C8orf76: variants seen among roughly 807,000 people sequenced by gnomAD.
C8orf76 encodes the protein uncharacterized protein C8orf76.
A neutral mutation model predicts 38.1 loss-of-function variants in C8orf76; 46 were observed. The observed-to-expected ratio is 1.21, with a 90% confidence interval of 0.95 to 1.54. The LOEUF is 1.54. Among genes scored for constraint, C8orf76 ranks in the 40% most tolerant of loss-of-function variants. C8orf76 has a pLI of 0.00. For missense variants in C8orf76, 461 were observed against 441.6 expected, an observed-to-expected ratio of 1.04 and a Z score of -0.39; for synonymous variants, 166 against 167.5, an observed-to-expected ratio of 0.99 and a Z score of 0.07.
intron 5 of C8orf76, among the ~76,000 whole-genome samples, chr8:123,221,735 C>T (rs566600078): frequency 5.3e-5 from 8 of 151,986 alleles, no homozygotes; most frequent in Non-Finnish European, 1.2e-4. Flanking sequence ...CCACTGTGCC[C>T]GGCCAAAAAA....
intron 4 of C8orf76, among the ~76,000 whole-genome samples, chr8:123,229,646 C>A (rs1051108496): frequency 6.6e-6 from 1 of 152,204 alleles, no homozygotes; most frequent in African/African-American, 2.4e-5. Context: ...ACATGTCTGG[C>A]ACACGGTTGT....
chr8:123,222,872 A>G (rs561249214), intron 5 of C8orf76, among the ~76,000 whole-genome samples: 1 of 152,346 alleles, frequency 6.6e-6, no homozygotes, highest in Admixed American at 6.5e-5. Context: ...GGTAGAAAAA[A>G]CAATGCTTTC....
Position 123,231,341 on chromosome 8 carries a change from T to C in C8orf76, c.774A>G (p.Ile258Met), listed in dbSNP as rs751709027. 5.0e-6 allele frequency: 8 copies of C among 1,613,624 alleles called. No individual in the cohort carries two copies. In the East Asian group the frequency reaches 1.8e-4, roughly 36 times the overall value. The change falls in exon 4 of 6, where the codon ATA becomes ATG. Residue 258 changes from isoleucine to methionine, a missense_variant. Coordinates refer to ENST00000276704, the MANE Select transcript of C8orf76 (RefSeq NM_032847.3). ...CMAEKRETVL[I>M]ETQLKACASF... Reference sequence around the variant, plus strand: ...AGGCACATGCTTTCAGCTGAGTCTCTATCAACACTGTTTCTCTCTTTTCTG... The same window carrying C: ...AGGCACATGCTTTCAGCTGAGTCTCCATCAACACTGTTTCTCTCTTTTCTG...
At chr8:123,221,526 C>T (rs1244563766) in intron 5 of C8orf76, among the ~76,000 whole-genome samples, 2 of 152,126 alleles carry the variant, frequency 1.3e-5, no homozygotes, top group Middle Eastern at 6.3e-3. Context: ...ACCTCTGTCT[C>T]CTGGGTTCAA....
chr8:123,224,301 G>A (rs1824966281), intron 5 of C8orf76, among the ~76,000 whole-genome samples: 1 of 152,108 alleles, frequency 6.6e-6, no homozygotes, highest in South Asian at 2.1e-4. Context: ...GTTATTACAA[G>A]TCAACTAAAA....
intron 5 of C8orf76, 167 bp downstream of exon 5, chr8:123,226,333 G>C: frequency 6.8e-7 from 1 of 1,461,746 alleles, no homozygotes; most frequent in Non-Finnish European, 8.9e-7. Flanking sequence ...GGGGAATGCC[G>C]ATCAAGAGGC....
chr8:123,221,170 T>G (rs1198999202), intron 5 of C8orf76, among the ~76,000 whole-genome samples: 1 of 152,208 alleles, frequency 6.6e-6, no homozygotes, highest in East Asian at 1.9e-4. Context: ...TCTTCAAAGA[T>G]TACATATTGT....
At chr8:123,235,318 C>G (rs1292433251) in intron 3 of C8orf76, among the ~76,000 whole-genome samples, 1 of 152,000 alleles carries the variant, frequency 6.6e-6, no homozygotes, top group Non-Finnish European at 1.5e-5. Flanking sequence ...TGATGGCCAC[C>G]CCGGGACTTG....
intron 5 of C8orf76, among the ~76,000 whole-genome samples, chr8:123,221,177 T>C (rs1402058638): frequency 6.6e-6 from 1 of 152,138 alleles, no homozygotes; most frequent in African/African-American, 2.4e-5. Flanking sequence ...AGATTACATA[T>C]TGTTTGAGGA....
At position 123,237,820 on chromosome 8, in the gene C8orf76, G is replaced by A. The variant is rs754518679; in HGVS notation, c.335C>T (p.Ala112Val). 1.6e-5 allele frequency: 25 copies of A among 1,612,654 alleles called. No homozygotes were observed. Among genetic ancestry groups the A allele is most frequent in the South Asian group, 3.3e-5 (3 of 90,800 alleles). The change falls in exon 3 of 6, where the codon GCG becomes GTG. Residue 112 changes from alanine (A) to valine (V), a missense_variant. By Grantham distance (64) the Ala-to-Val change is moderately conservative (BLOSUM62 0). Transcript: ENST00000276704. ...CACCAAGTTTGCAGCAATCTCCAGC[G>A]CCTCCATATGCCTACCCAGGTGAGC... is the stretch of plus-strand genomic sequence containing the variant. ...CLAHLGRHMEALEIAANLENK... is the reference protein window; with the variant it reads ...CLAHLGRHMEVLEIAANLENK...
chr8:123,237,370 C>T (rs1754799107), intron 3 of C8orf76, among the ~76,000 whole-genome samples: 1 of 152,070 alleles, frequency 6.6e-6, no homozygotes, highest in African/African-American at 2.4e-5. Context: ...AAAAGGACTA[C>T]TAAGTGTGGC....
intron 3 of C8orf76, chr8:123,237,210 G>A: frequency 1.6e-6 from 1 of 644,932 alleles, no homozygotes; most frequent in Non-Finnish European, 2.8e-6. Flanking sequence ...CCAAGACGAA[G>A]GACAAAGAAG....
chr8:123,237,716 A>T, intron 3 of C8orf76, 82 bp downstream of exon 3: 4 of 1,478,810 alleles, frequency 2.7e-6, no homozygotes, highest in Non-Finnish European at 3.6e-6. Flanking sequence ...TACTAGCAAG[A>T]AGTTTGTTTT....
At chr8:123,237,244 C>T (rs978431728) in intron 3 of C8orf76, among the ~76,000 whole-genome samples, 1 of 152,188 alleles carries the variant, frequency 6.6e-6, no homozygotes, top group East Asian at 1.9e-4. Context: ...CAAAGAGCGG[C>T]GTCCTGCCCA....
intron 3 of C8orf76, among the ~76,000 whole-genome samples, chr8:123,234,727 C>CCACTG (rs1240219725): frequency 2.0e-4 from 30 of 151,958 alleles, no homozygotes; most frequent in African/African-American, 7.3e-4. Flanking sequence ...CAAGATCGCG[C>CCACTG]CACTGCACTC....
chr8:123,225,786 G>A (rs1298638197), intron 5 of C8orf76, among the ~76,000 whole-genome samples: 4 of 152,066 alleles, frequency 2.6e-5, no homozygotes, highest in African/African-American at 7.2e-5. Context: ...TTAGCAGGGC[G>A]TGGTGGCACA....
intron 5 of C8orf76, among the ~76,000 whole-genome samples, chr8:123,224,735 A>G (rs1006379984): frequency 1.3e-5 from 2 of 152,268 alleles, no homozygotes; most frequent in African/African-American, 4.8e-5. Context: ...TCTACACAGG[A>G]AACTACTCTT....
rs528294907 is a variant in C8orf76, at chr8:123,234,070, C to T, written c.358-2313G>A. ...CTATTTAAATGAGTGAGTGATTTTT[C>T]CAGAATACTGCAACTCTTTCTGTAA... On this transcript the variant is annotated intron_variant, in intron 3 of 5. Coordinates refer to ENST00000276704, the MANE Select transcript of C8orf76 (RefSeq NM_032847.3). 9.2e-5 allele frequency among the ~76,000 whole-genome samples: 14 copies of T among 151,808 alleles called. No homozygotes were observed. The South Asian group carries it at 2.7e-3, about 29-fold the overall frequency.
chr8:123,236,863 T>C, intron 3 of C8orf76: 2 of 801,300 alleles, frequency 2.5e-6, no homozygotes, highest in South Asian at 1.4e-5. Context: ...TGCAGATCTT[T>C]GTGAAGACCC....
Sources: gnomAD v4.1 joint callset for allele counts (sites outside exome capture counted in the v4.1 genomes callset) on GRCh38, gnomAD v4.1.1 for gene constraint, MANE v1.5 for transcripts, NCBI Gene and HGNC (gene_info 2026-07-23, HGNC 2026-07-21) for gene names.